ADCY3: variants seen among roughly 807,000 people sequenced by gnomAD.
ADCY3 encodes adenylate cyclase 3.
In ADCY3, 70 loss-of-function variants were observed where a neutral mutation model predicts 119.4. The ratio of observed to expected loss-of-function variants is 0.59; its 90% CI spans 0.48 to 0.72. ADCY3 has a LOEUF of 0.72. ADCY3 is among the 30% of genes least tolerant of loss of function. The pLI is 0.00. For missense variants in ADCY3, 1,238 were observed against 1,541.6 expected, an observed-to-expected ratio of 0.80 and a Z score of 3.30; for synonymous variants, 672 against 621.4, an observed-to-expected ratio of 1.08 and a Z score of -1.21.
At chr2:24,827,453 G>T in intron 15 of ADCY3, 93 bp downstream of exon 15, 5 of 1,410,866 alleles carry the variant, frequency 3.5e-6, no homozygotes, top group Non-Finnish European at 4.9e-6. Context: ...TGCCTCCCGG[G>T]AGGGTGAGAT....
chr2:24,856,759 T>G (rs1673048010), intron 3 of ADCY3, among the ~76,000 whole-genome samples: 1 of 152,222 alleles, frequency 6.6e-6, no homozygotes, highest in South Asian at 2.1e-4. Flanking sequence ...CATCTATGCA[T>G]GTCCCTGAGC....
At position 24,834,740 on chromosome 2, in the gene ADCY3, C is replaced by A. The variant is rs1213462924; in HGVS notation, c.1805+54G>T. ...TTGGGATGCTCAGTTTCCTGAATCC[C>A]TTGTCAGGGCCCGGGAGGAGTGGTG... On this transcript the variant is annotated intron_variant, in intron 10 of 21. Coordinates refer to ENST00000679454, the MANE Select transcript of ADCY3 (RefSeq NM_004036.5). The surrounding 1 kb of genome is among the most constrained non-coding windows in gnomAD (Gnocchi z 4.2). 1.9e-6 allele frequency: 3 copies of A among 1,601,380 alleles called. No homozygotes were observed. The Admixed American group carries it at 5.0e-5, about 27-fold the overall frequency.
At chr2:24,835,988 G>T (rs968416822) in intron 9 of ADCY3, among the ~76,000 whole-genome samples, 2 of 151,746 alleles carry the variant, frequency 1.3e-5, no homozygotes, top group East Asian at 1.9e-4. Flanking sequence ...GTGTGCCACT[G>T]GTTGACAGTT....
intron 3 of ADCY3, among the ~76,000 whole-genome samples, chr2:24,847,500 G>T (rs990493364): frequency 6.6e-6 from 1 of 152,062 alleles, no homozygotes. Context: ...ATCCCAGTAC[G>T]CCCTGCCCTG....
chr2:24,912,397 G>A (rs1315770140), intron 2 of ADCY3, among the ~76,000 whole-genome samples: 2 of 152,274 alleles, frequency 1.3e-5, no homozygotes, highest in South Asian at 2.1e-4. Context: ...GGGTGGTGTT[G>A]GAATATTTAC....
intron 3 of ADCY3, among the ~76,000 whole-genome samples, chr2:24,851,879 C>T (rs1013614751): frequency 4.6e-5 from 7 of 152,162 alleles, no homozygotes; most frequent in South Asian, 2.1e-4. Flanking sequence ...TATTGTCTCG[C>T]GCGTTGTTCC....
At chr2:24,874,596 T>A (rs969431853) in intron 2 of ADCY3, among the ~76,000 whole-genome samples, 2 of 152,220 alleles carry the variant, frequency 1.3e-5, no homozygotes, top group South Asian at 4.1e-4. Flanking sequence ...CCGGCTGGGC[T>A]TCTGTGGGCC....
rs1671009910 is a variant in ADCY3 at position 24,841,497 on chromosome 2, C to A, written c.1068+59G>T. On this transcript the variant is annotated intron_variant, in intron 5 of 21. Transcript: ENST00000679454. The surrounding 1 kb of genome is among the most constrained non-coding windows in gnomAD (Gnocchi z 5.8). ...AAAATCATGGGGCCGGGGATGGGGG[C>A]CAGGCAGAGGCCATGAGGGCAGGCC... 1 of 1,591,352 alleles carries A rather than the reference C, an allele frequency of 6.3e-7. No homozygotes were observed. Among genetic ancestry groups the A allele is most frequent in the African/African-American group, 1.3e-5 (1 of 74,526 alleles).
At chr2:24,856,863 A>C (rs1039194544) in intron 3 of ADCY3, among the ~76,000 whole-genome samples, 1 of 152,232 alleles carries the variant, frequency 6.6e-6, no homozygotes, top group Admixed American at 6.5e-5. Context: ...CTCCCAGGGC[A>C]GGAGTGCTTC....
intron 6 of ADCY3, chr2:24,840,416 T>A: frequency 2.6e-6 from 1 of 387,428 alleles, no homozygotes; most frequent in Non-Finnish European, 5.3e-6. Context: ...GCCCCCTGCC[T>A]GAACGTGTCT....
intron 21 of ADCY3, chr2:24,820,396 A>C (rs768191870): frequency 9.1e-6 from 12 of 1,313,932 alleles, no homozygotes; most frequent in Non-Finnish European, 1.2e-5. Context: ...GGAAACTGCC[A>C]CTGCCTGCTC....
intron 2 of ADCY3, among the ~76,000 whole-genome samples, chr2:24,884,282 C>T (rs1030114185): frequency 5.9e-5 from 9 of 151,994 alleles, no homozygotes; most frequent in African/African-American, 1.9e-4. Flanking sequence ...GCATCTGTGC[C>T]CTCCTCCAGG....
intron 2 of ADCY3, among the ~76,000 whole-genome samples, chr2:24,904,366 C>T (rs1679239821): frequency 6.6e-6 from 1 of 152,018 alleles, no homozygotes; most frequent in South Asian, 2.1e-4. Context: ...CCCATCTCTA[C>T]TAAAAATACA....
At chr2:24,831,009 G>A (rs374455560) in intron 12 of ADCY3, among the ~76,000 whole-genome samples, 184 bp from the exon 13 acceptor site, 5 of 152,248 alleles carry the variant, frequency 3.3e-5, no homozygotes, top group East Asian at 3.9e-4. Context: ...GAGTTCTGAC[G>A]CTGTGTTGGA....
intron 20 of ADCY3, 87 bp downstream of exon 20, chr2:24,821,430 C>G (rs952986990): frequency 2.4e-5 from 37 of 1,559,140 alleles, no homozygotes; most frequent in Non-Finnish European, 3.0e-5. Flanking sequence ...CTCAGTTGTC[C>G]TGAGCCTCAT....
rs756707162 is a variant in ADCY3, at chr2:24,824,544, C to T, written c.2578-8G>A. On this transcript the variant is annotated splice_polypyrimidine_tract_variant and splice_region_variant and intron_variant, in intron 16 of 21. Transcript: ENST00000679454. ...CCGTGCCAGTTTTTCTACCTACAGA[C>T]ACAGACAAGGCGAGGCATGTGCTCT... 7 of 1,613,664 alleles carry T rather than the reference C, an allele frequency of 4.3e-6. No homozygotes were observed. Among genetic ancestry groups the T allele is most frequent in the Admixed American group, 3.3e-5 (2 of 59,994 alleles).
intron 19 of ADCY3, 137 bp from the exon 20 acceptor site, chr2:24,821,777 G>C (rs748074117): frequency 9.1e-6 from 12 of 1,322,932 alleles, no homozygotes; most frequent in Non-Finnish European, 1.2e-5. Flanking sequence ...TCCCACAAAG[G>C]AGTCGCAGCC....
rs375101795 is a variant in ADCY3 at position 24,823,290 on chromosome 2, G to A, written c.2802C>T (p.Asp934=). The A allele has an allele frequency of 1.1e-5, 18 of 1,613,668 alleles. No homozygotes were observed. In the African/African-American group the frequency reaches 2.3e-4, roughly 20 times the overall value. ...TGTTGATGCTCTCCTCTGTGTAGAA[G>A]TCAGCAAAGTTGGGCAGGGAGGCAA... ...VMFASLPNFA[D]FYTEESINNG... is the part of the protein sequence containing the mutation. Residue 934 remains aspartate (D), a synonymous_variant, in exon 18 of 22, where the codon GAC becomes GAT. Transcript: ENST00000679454.
At chr2:24,914,908 C>G (rs1283597172) in intron 2 of ADCY3, among the ~76,000 whole-genome samples, 1 of 152,048 alleles carries the variant, frequency 6.6e-6, no homozygotes, top group Non-Finnish European at 1.5e-5. Flanking sequence ...CCCAGCCCCA[C>G]CCCATCCCAC....
Sources: gnomAD v4.1 joint callset for allele counts (sites outside exome capture counted in the v4.1 genomes callset) on GRCh38, gnomAD v4.1.1 for gene constraint, Gnocchi (gnomAD v3.1) non-coding constraint, MANE v1.5 for transcripts, NCBI Gene and HGNC (gene_info 2026-07-23, HGNC 2026-07-21) for gene names.